Variants in SULF1 observed in about 807,000 individuals in gnomAD.
SULF1 encodes the protein extracellular sulfatase Sulf-1.
Under a neutral mutation model 110.5 loss-of-function variants are expected in SULF1, and 46 were observed. The observed-to-expected ratio is 0.42, with a 90% CI of 0.33 to 0.53. SULF1 has a LOEUF of 0.53. SULF1 is among the 20% of genes least tolerant of loss of function. SULF1 has a pLI of 0.12. For synonymous variants in SULF1, 371 were observed against 387.1 expected (o/e 0.96, Z 0.49); for missense variants, 941 against 1,094.2 (o/e 0.86, Z 1.98).
chr8:69,601,813 G>GTA lies in SULF1; in HGVS notation c.1046_1047dup (p.Glu350Ter). 1 of 1,610,804 alleles carries GTA rather than the reference G, an allele frequency of 6.2e-7. No individual in the cohort carries two copies. The stretch of plus-strand genomic sequence containing the variant: ...GCCTTTTTTTATTCGTGGTCCAAGT[G>GTA]TAGAACCAGGATCAATGTACGTATT... On this transcript the variant is annotated frameshift_variant, in exon 10 of 23. Coordinates refer to ENST00000402687, the MANE Select transcript of SULF1 (RefSeq NM_001128205.2). LOFTEE classifies it high-confidence loss of function.
intron 19 of SULF1, 143 bp downstream of exon 19, chr8:69,629,822 A>C: frequency 9.2e-6 from 7 of 763,984 alleles, no homozygotes; most frequent in Admixed American, 2.7e-5. Context: ...CTGGAAACTC[A>C]AATGATTTTG....
At chr8:69,550,480 G>T (rs150053448) in intron 3 of SULF1, among the ~76,000 whole-genome samples, 237 of 152,240 alleles carry the variant, frequency 1.6e-3, no homozygotes, top group African/African-American at 5.3e-3. Flanking sequence ...AAAAGAAAAA[G>T]GTGGAATGGT....
At chr8:69,575,054 T>C (rs1805506246) in intron 5 of SULF1, among the ~76,000 whole-genome samples, 1 of 152,202 alleles carries the variant, frequency 6.6e-6, no homozygotes, top group Non-Finnish European at 1.5e-5. Context: ...GCTCCAAGAT[T>C]CAAATGCAAT....
intron 22 of SULF1, among the ~76,000 whole-genome samples, chr8:69,649,315 T>C (rs1722759071): frequency 6.6e-6 from 1 of 152,210 alleles, no homozygotes; most frequent in Non-Finnish European, 1.5e-5. Context: ...TTGCAAGTAA[T>C]TTGCAAACAT....
intron 8 of SULF1, among the ~76,000 whole-genome samples, chr8:69,593,584 C>G (rs1001552017): frequency 6.6e-6 from 1 of 152,154 alleles, no homozygotes; most frequent in Non-Finnish European, 1.5e-5. Context: ...AGAGAGGAAG[C>G]CAGTTCGCTA....
intron 8 of SULF1, among the ~76,000 whole-genome samples, chr8:69,594,490 T>C (rs78147525): frequency 0.033 from 5,063 of 152,266 alleles, 101 homozygotes; most frequent in African/African-American, 0.06. Context: ...CCATGTGCAC[T>C]AATTTGCAAG....
At chr8:69,475,506 T>C (rs1041476748) in intron 1 of SULF1, among the ~76,000 whole-genome samples, 1 of 151,888 alleles carries the variant, frequency 6.6e-6, no homozygotes, top group East Asian at 1.9e-4. Flanking sequence ...ATAACAATAA[T>C]GCAACTTGGT....
In SULF1 at chr8:69,621,004, C is replaced by T. The variant is rs139006563; in HGVS notation, c.1378-31C>T. The T allele has an allele frequency of 1.4e-3, 2,127 of 1,559,790 alleles. 5 individuals are homozygous for T. Among genetic ancestry groups the T allele is most frequent in the Middle Eastern group, 4.5e-3 (26 of 5,830 alleles). ...TAATAAATAACACCTGGAGCAGAAT[C>T]GGTAAACTGCTTTCACGTTGGCTTT... On this transcript the variant is annotated intron_variant, in intron 13 of 22. Coordinates refer to ENST00000402687, the MANE Select transcript of SULF1 (RefSeq NM_001128205.2).
intron 3 of SULF1, among the ~76,000 whole-genome samples, chr8:69,519,139 G>T (rs774933934): frequency 5.3e-5 from 8 of 152,076 alleles, no homozygotes; most frequent in Admixed American, 1.3e-4. Flanking sequence ...GGACCAGTCT[G>T]GTACCAGTTA....
intron 5 of SULF1, 141 bp downstream of exon 5, chr8:69,564,288 A>G (rs931752254): frequency 4.9e-6 from 5 of 1,023,874 alleles, no homozygotes; most frequent in Non-Finnish European, 7.1e-6. Flanking sequence ...ATGAACTTGT[A>G]TTGACCATAA....
chr8:69,519,611 G>A (rs189304502), intron 3 of SULF1, among the ~76,000 whole-genome samples: 6 of 152,182 alleles, frequency 3.9e-5, no homozygotes, highest in African/African-American at 9.6e-5. Flanking sequence ...ATAATGACAC[G>A]TTATTCTAGA....
At chr8:69,537,467 G>T (rs367748686) in intron 3 of SULF1, among the ~76,000 whole-genome samples, 7 of 151,936 alleles carry the variant, frequency 4.6e-5, no homozygotes, top group African/African-American at 4.8e-5. Context: ...GATTTTTTTT[G>T]AACAGCTTTT....
chr8:69,514,593 G>T (rs77042303), intron 3 of SULF1, among the ~76,000 whole-genome samples: 2,649 of 152,276 alleles, frequency 0.017, 86 homozygotes, highest in African/African-American at 0.06. Context: ...CTTCCCAATA[G>T]CCCCCTAAAG....
rs563004478 is a variant in SULF1 at position 69,518,655 on chromosome 8, A to G, written c.-134+16687A>G. Among the ~76,000 whole-genome samples the G allele has an allele frequency of 2.4e-4, 37 of 152,044 alleles. 1 individual carries two copies. The highest frequency in any genetic ancestry group is 8.7e-4 in the African/African-American group (36 of 41,474). ...CATTGAGTCCTACTCTTAAGGCTTG[A>G]CCTTTCTAAGGTTTCTGCTTATGTG... On this transcript the variant is annotated intron_variant, in intron 3 of 22. Coordinates refer to ENST00000402687, the MANE Select transcript of SULF1 (RefSeq NM_001128205.2).
At position 69,640,416 on chromosome 8, in the gene SULF1, C is replaced by T. The variant is rs191679860; in HGVS notation, c.2552-392C>T. 1.1e-4 allele frequency among the ~76,000 whole-genome samples: 16 copies of T among 152,310 alleles called. No individual in the cohort carries two copies. In the East Asian group the frequency reaches 3.1e-3, roughly 29 times the overall value. On this transcript the variant is annotated intron_variant, in intron 21 of 22. Transcript: ENST00000402687. ...TTTCACTTCAAGCCGTCCTCTCCAC[C>T]TTCCAGACTATTCCTATGGGAGATG...
intron 3 of SULF1, among the ~76,000 whole-genome samples, chr8:69,531,777 T>A (rs751971653): frequency 6.6e-6 from 1 of 152,222 alleles, no homozygotes; most frequent in Non-Finnish European, 1.5e-5. Flanking sequence ...CGATGCTGCT[T>A]CTTTGTCTTT....
intron 3 of SULF1, among the ~76,000 whole-genome samples, chr8:69,552,884 G>A (rs1162249846): frequency 6.6e-6 from 1 of 152,254 alleles, no homozygotes; most frequent in Non-Finnish European, 1.5e-5. Flanking sequence ...GAAGAGAGGG[G>A]AAGGCAGATT....
chr8:69,541,395 C>A (rs182866270), intron 3 of SULF1, among the ~76,000 whole-genome samples: 1 of 152,278 alleles, frequency 6.6e-6, no homozygotes, highest in Admixed American at 6.5e-5. Context: ...TAACTCCCAT[C>A]TGTGGCACAG....
intron 22 of SULF1, among the ~76,000 whole-genome samples, chr8:69,653,936 A>T (rs1812534934): frequency 6.6e-6 from 1 of 152,180 alleles, no homozygotes; most frequent in African/African-American, 2.4e-5. Flanking sequence ...GTCAAAAGAT[A>T]TTGGCACATT....
Sources: allele counts gnomAD v4.1 joint callset (sites outside exome capture counted in the v4.1 genomes callset), GRCh38; gene constraint gnomAD v4.1.1; transcripts MANE v1.5; gene names NCBI Gene and HGNC (gene_info 2026-07-23, HGNC 2026-07-21).